The following TMEM87A variants were observed in gnomAD, a reference collection of about 807,000 sequenced individuals.
The protein encoded by TMEM87A is Golgi-pH regulating cation channel.
TMEM87A carries 50 observed loss-of-function variants against 90.0 expected under a neutral mutation model. The ratio of observed to expected loss-of-function variants is 0.56; its 90% CI spans 0.44 to 0.70. The LOEUF is 0.70. Ranked by LOEUF, TMEM87A falls within the 30% of genes least tolerant of loss-of-function variation. The pLI is 0.00. For missense variants in TMEM87A, 577 were observed against 660.5 expected (o/e 0.87, Z 1.39); for synonymous variants, 226 against 226.7 (o/e 1.00, Z 0.03).
At chr15:42,270,724 A>T (rs2051506023) in intron 2 of TMEM87A, among the ~76,000 whole-genome samples, 2 of 152,254 alleles carry the variant, frequency 1.3e-5, no homozygotes, top group South Asian at 4.1e-4. Context: ...GACAAGGGTT[A>T]CTAGGTTACC....
intron 2 of TMEM87A, chr15:42,271,724 GA>G (rs1233095433): frequency 6.5e-6 from 1 of 154,652 alleles, no homozygotes; most frequent in East Asian, 1.9e-4. Context: ...GCTTTTCTCA[GA>G]AAGTATCAAC....
chr15:42,258,777 C>T, intron 6 of TMEM87A: 3 of 1,440,100 alleles, frequency 2.1e-6, no homozygotes, highest in South Asian at 3.1e-5. Flanking sequence ...TCATGCCTAA[C>T]TTACATTCAG....
chr15:42,251,108 C>T (rs1249664332), intron 6 of TMEM87A, among the ~76,000 whole-genome samples: 2 of 152,174 alleles, frequency 1.3e-5, no homozygotes, highest in Non-Finnish European at 2.9e-5. Context: ...TTAAGGTCTT[C>T]TCTACACTGT....
rs762465268 is a variant in TMEM87A, at chr15:42,261,243, A to G, written c.412T>C (p.Ser138Pro). 6.2e-7 allele frequency: 1 copy of G among 1,613,180 alleles called. No homozygotes were observed. Among genetic ancestry groups the G allele is most frequent in the Non-Finnish European group, 8.5e-7 (1 of 1,179,660 alleles). Residue 138 changes from serine (S) to proline (P), a missense_variant, in exon 5 of 20, where the codon TCT becomes CCT. Transcript: ENST00000389834. ...GGCAGTCGATGCATAAAATCTCCAGAAAAGGTCTATAAAAGAAACACAAAA... is the reference window on the plus strand; with the variant it reads ...GGCAGTCGATGCATAAAATCTCCAGGAAAGGTCTATAAAAGAAACACAAAA... The part of the protein sequence containing the change: ...CSELFKTQTF[S>P]GDFMHRLPLL...
chr15:42,248,014 T>C (rs1482323898), intron 6 of TMEM87A, among the ~76,000 whole-genome samples: 3 of 152,166 alleles, frequency 2.0e-5, no homozygotes, highest in African/African-American at 7.2e-5. Context: ...CCCTTTTAAA[T>C]TGGATTCCTA....
At chr15:42,273,010 T>G in intron 1 of TMEM87A, 1 of 655,054 alleles carries the variant, frequency 1.5e-6, no homozygotes, top group Non-Finnish European at 2.8e-6. Flanking sequence ...GTTTTTCTGA[T>G]GAGAAGCCGC....
chr15:42,258,788 T>A, intron 6 of TMEM87A: 1 of 1,447,176 alleles, frequency 6.9e-7, no homozygotes, highest in Non-Finnish European at 9.1e-7. Context: ...TTACATTCAG[T>A]TAAAATTCTG....
At chr15:42,236,469 G>T in intron 9 of TMEM87A, 50 bp from the exon 10 acceptor site, 1 of 1,511,272 alleles carries the variant, frequency 6.6e-7, no homozygotes, top group Non-Finnish European at 9.2e-7. Flanking sequence ...TTTGGCAACA[G>T]GCCAGATGCC....
rs749619450 is a variant in TMEM87A at position 42,237,564 on chromosome 15, C to A, written c.736G>T (p.Ala246Ser). ...VYVLFGVLWL[A>S]WSACYWRDLL... is the part of the protein sequence containing the mutation. ...TCTCTCCAGTAGCAGGCAGACCATG[C>A]CAGCCACAGAACACCAAACAGGACA... The change falls in exon 9 of 20, where the codon GCA becomes TCA. Residue 246 changes from alanine (A) to serine (S), a missense_variant. Coordinates refer to ENST00000389834, the MANE Select transcript of TMEM87A (RefSeq NM_015497.5). The A allele has an allele frequency of 3.5e-5, 57 of 1,613,914 alleles. No individual in the cohort carries two copies. The highest frequency in any genetic ancestry group is 2.2e-4 in the East Asian group (10 of 44,876).
intron 6 of TMEM87A, among the ~76,000 whole-genome samples, chr15:42,260,281 G>A (rs982277879): frequency 3.3e-5 from 5 of 152,200 alleles, no homozygotes; most frequent in Admixed American, 2.6e-4. Flanking sequence ...GTCTGAGGCA[G>A]GAGGATCACT....
intron 15 of TMEM87A, among the ~76,000 whole-genome samples, chr15:42,225,760 C>T (rs1272531009): frequency 6.6e-6 from 1 of 152,170 alleles, no homozygotes; most frequent in Non-Finnish European, 1.5e-5. Flanking sequence ...TTGGCTCAAA[C>T]TCCTGGATTC....
At chr15:42,272,991 G>GAA (rs1183792794) in intron 1 of TMEM87A, 1 of 630,788 alleles carries the variant, frequency 1.6e-6, no homozygotes, top group Non-Finnish European at 2.9e-6. Context: ...GTCAGGCACT[G>GAA]AAAGTTCTGT....
intron 6 of TMEM87A, among the ~76,000 whole-genome samples, chr15:42,259,675 A>G (rs899521715): frequency 1.3e-5 from 2 of 152,222 alleles, no homozygotes; most frequent in Admixed American, 1.3e-4. Context: ...AAGCTCCAAA[A>G]TATTCCTGGA....
Position 42,264,200 on chromosome 15 carries a change from C to T in TMEM87A, c.295G>A (p.Glu99Lys), listed in dbSNP as rs760360537. 6 of 1,609,430 alleles carry T rather than the reference C, an allele frequency of 3.7e-6. No individual in the cohort carries two copies. Among genetic ancestry groups the T allele is most frequent in the Non-Finnish European group, 5.1e-6 (6 of 1,176,776 alleles). Reference protein sequence around the residue: ...CYNEIYNFKAEEVELYLEKLK... With the variant: ...CYNEIYNFKAKEVELYLEKLK... ...TTTTCCAAATACAACTCTACTTCTTCTGCCTGGAAAAAGAGATAATACAGA... is the reference window on the plus strand; with the variant it reads ...TTTTCCAAATACAACTCTACTTCTTTTGCCTGGAAAAAGAGATAATACAGA... Residue 99 changes from glutamate to lysine, a missense_variant, in exon 4 of 20, where the codon GAA becomes AAA. Physicochemically the swap from Glu to Lys is moderately conservative, Grantham distance 56. Transcript: ENST00000389834.
chr15:42,218,615 C>G (rs2050420457), intron 17 of TMEM87A, among the ~76,000 whole-genome samples: 1 of 152,168 alleles, frequency 6.6e-6, no homozygotes, highest in Admixed American at 6.5e-5. Flanking sequence ...CCCTCTGCTT[C>G]TAGGAATTCA....
At chr15:42,233,365 A>C in intron 10 of TMEM87A, 59 bp from the exon 11 acceptor site, 1 of 1,296,916 alleles carries the variant, frequency 7.7e-7, no homozygotes, top group South Asian at 1.2e-5. Context: ...AAACAAGCTA[A>C]GTAACAGGAA....
At chr15:42,238,013 G>A (rs1595724387) in intron 8 of TMEM87A, among the ~76,000 whole-genome samples, 1 of 102,628 alleles carries the variant, frequency 9.7e-6, no homozygotes, top group African/African-American at 7.0e-5. Flanking sequence ...ATATGTGTGT[G>A]TGTGTGTGTG....
intron 8 of TMEM87A, among the ~76,000 whole-genome samples, chr15:42,238,462 C>T (rs1774892954): frequency 6.6e-6 from 1 of 151,982 alleles, no homozygotes; most frequent in Non-Finnish European, 1.5e-5. Flanking sequence ...CCCAGCTACT[C>T]AGGAGGCTGA....
intron 10 of TMEM87A, among the ~76,000 whole-genome samples, chr15:42,235,021 G>A (rs879289155): frequency 7.2e-5 from 11 of 151,990 alleles, no homozygotes; most frequent in African/African-American, 1.2e-4. Context: ...ACCAAATCCA[G>A]TCTCATGACT....
Sources: gnomAD v4.1 joint callset for allele counts (sites outside exome capture counted in the v4.1 genomes callset) on GRCh38, gnomAD v4.1.1 for gene constraint, MANE v1.5 for transcripts, NCBI Gene and HGNC (gene_info 2026-07-23, HGNC 2026-07-21) for gene names.